Variants in MAPK10 observed in about 807,000 individuals in gnomAD.
MAPK10 encodes JNK3 alpha protein kinase.
In MAPK10, 25 loss-of-function variants were observed where a neutral mutation model predicts 59.3. That is an observed-to-expected ratio of 0.42 (90% CI 0.31 to 0.59). MAPK10 has a LOEUF of 0.59. MAPK10 is among the 20% of genes least tolerant of loss of function. MAPK10 has a pLI of 0.15. For synonymous variants in MAPK10, 190 were observed against 200.5 expected (o/e 0.95, Z 0.44); for missense variants, 351 against 568.9 (o/e 0.62, Z 3.90).
intron 5 of MAPK10, among the ~76,000 whole-genome samples, chr4:86,105,598 C>G (rs2056392880): frequency 6.6e-6 from 1 of 152,062 alleles, no homozygotes. Flanking sequence ...TTGCTTGTAT[C>G]CATCCATTTT....
chr4:86,257,272 TTTAA>T (rs2093782849), intron 2 of MAPK10, among the ~76,000 whole-genome samples: 1 of 152,190 alleles, frequency 6.6e-6, no homozygotes. Context: ...CAAAAGTCCA[TTTAA>T]TTAAGGTACC....
At chr4:86,074,024 A>AG (rs1404415351) in intron 9 of MAPK10, among the ~76,000 whole-genome samples, 2 of 92,928 alleles carry the variant, frequency 2.2e-5, no homozygotes, top group Non-Finnish European at 4.4e-5. Flanking sequence ...AATGTGTGGG[A>AG]GTCTAAGTCT....
intron 1 of MAPK10, chr4:86,384,307 G>GT (rs1741173875): frequency 6.6e-6 from 1 of 152,118 alleles, no homozygotes; most frequent in South Asian, 2.1e-4. Flanking sequence ...AAACAGAAAG[G>GT]TTTGTGTATT....
At chr4:86,566,637 C>T (rs372980655) in intron 1 of MAPK10, among the ~76,000 whole-genome samples, 3 of 151,892 alleles carry the variant, frequency 2.0e-5, no homozygotes, top group Admixed American at 6.6e-5. Flanking sequence ...ATTGCTTGAA[C>T]GCAGGTGACG....
intron 2 of MAPK10, among the ~76,000 whole-genome samples, chr4:86,242,675 C>A (rs925577820): frequency 6.6e-6 from 1 of 152,188 alleles, no homozygotes. Context: ...GTCTTGGGAC[C>A]AAGCCATCCA....
rs141603673 is a variant in MAPK10, at chr4:86,302,987, T to G, written c.-7+51543A>C. 3.9e-3 allele frequency among the ~76,000 whole-genome samples: 587 copies of G among 152,296 alleles called. 7 individuals carry two copies. Among genetic ancestry groups the G allele is most frequent in the Middle Eastern group, 0.014 (4 of 294 alleles). ...AAATGAGCCAAGTAAGGCTGCCTCC[T>G]GTCCACTTTAGACTCAAACATCCCA... On this transcript the variant is annotated intron_variant, in intron 2 of 13. Coordinates refer to ENST00000641462, the MANE Select transcript of MAPK10 (RefSeq NM_138982.4).
At chr4:86,123,703 C>A (rs548866243) in intron 4 of MAPK10, 1 of 152,056 alleles carries the variant, frequency 6.6e-6, no homozygotes, top group Admixed American at 6.6e-5. Context: ...AATAAATTAC[C>A]AGTAAGTTCC....
At chr4:86,378,260 C>T (rs942719947) in intron 1 of MAPK10, among the ~76,000 whole-genome samples, 1 of 152,164 alleles carries the variant, frequency 6.6e-6, no homozygotes, top group Non-Finnish European at 1.5e-5. Context: ...CCTCACTGGC[C>T]TCTTTGTAGT....
intron 2 of MAPK10, among the ~76,000 whole-genome samples, chr4:86,194,898 G>A (rs2080927028): frequency 6.6e-6 from 1 of 151,824 alleles, no homozygotes; most frequent in African/African-American, 2.4e-5. Flanking sequence ...TATTGACCGA[G>A]AAGAAAAGCA....
intron 1 of MAPK10, among the ~76,000 whole-genome samples, chr4:86,588,248 C>A (rs1365904578): frequency 6.6e-6 from 1 of 152,038 alleles, no homozygotes; most frequent in Admixed American, 6.6e-5. Flanking sequence ...GATGAACAAC[C>A]CATATGCCAC....
At chr4:86,131,889 G>A (rs370061585) in intron 4 of MAPK10, among the ~76,000 whole-genome samples, 4 of 152,114 alleles carry the variant, frequency 2.6e-5, no homozygotes, top group South Asian at 2.1e-4. Flanking sequence ...TAAAAGCCAC[G>A]AAATAAATTG....
chr4:86,406,908 A>G (rs573209270), intron 1 of MAPK10, among the ~76,000 whole-genome samples: 1 of 152,308 alleles, frequency 6.6e-6, no homozygotes, highest in South Asian at 2.1e-4. Context: ...TTCATTTAAC[A>G]ACCTCTCCTT....
chr4:86,548,817 T>C (rs1759513189), intron 1 of MAPK10, among the ~76,000 whole-genome samples: 1 of 152,178 alleles, frequency 6.6e-6, no homozygotes, highest in Non-Finnish European at 1.5e-5. Context: ...CTATGAACAA[T>C]AAGACAGCTT....
intron 2 of MAPK10, among the ~76,000 whole-genome samples, chr4:86,303,164 A>G (rs1388094993): frequency 1.3e-5 from 2 of 152,142 alleles, no homozygotes; most frequent in Non-Finnish European, 2.9e-5. Flanking sequence ...CTTAATCCAC[A>G]TGTCTCCTAG....
Position 86,503,096 on chromosome 4 carries a change from A to G in MAPK10, c.-263+90814T>C, listed in dbSNP as rs191420385. Reference sequence around the variant, plus strand: ...AGTTATGAGGTCAACCTAGATGTCTAGCATTTCAAAGCCATGTCATCCAAA... The same window carrying G: ...AGTTATGAGGTCAACCTAGATGTCTGGCATTTCAAAGCCATGTCATCCAAA... On this transcript the variant is annotated intron_variant, in intron 1 of 4. Coordinates refer to the MAPK10 transcript ENST00000502302. Among the ~76,000 whole-genome samples the G allele has an allele frequency of 2.6e-5, 4 of 152,206 alleles. No homozygotes were observed. In the East Asian group the frequency reaches 5.8e-4, roughly 22 times the overall value.
chr4:86,418,913 C>T lies in MAPK10; in HGVS notation c.-122+34117G>A, dbSNP rs142705611. ...GAGACCACTATTCTAAGTGAAGTAA[C>T]TCAGGAATGGAAACCCAAATATCAT... On this transcript the variant is annotated intron_variant, in intron 1 of 13. Coordinates refer to the MAPK10 transcript ENST00000361569. Among the ~76,000 whole-genome samples, 625 of 152,216 alleles carry T rather than the reference C, an allele frequency of 4.1e-3. 6 individuals carry two copies. The highest frequency in any genetic ancestry group is 0.014 in the African/African-American group (597 of 41,544).
At chr4:86,138,477 A>T in intron 4 of MAPK10, among the ~76,000 whole-genome samples, 2 of 134,288 alleles carry the variant, frequency 1.5e-5, no homozygotes, top group African/African-American at 5.4e-5. Flanking sequence ...CTTTGACAAA[A>T]TTCAACAACC....
At chr4:86,192,092 A>G (rs2080044830) in intron 3 of MAPK10, 1 of 152,096 alleles carries the variant, frequency 6.6e-6, no homozygotes, top group Admixed American at 6.6e-5. Flanking sequence ...AATGTCGAAT[A>G]TTGCCCCCCA....
intron 11 of MAPK10, chr4:86,032,689 T>C (rs536401158): frequency 6.6e-6 from 1 of 152,292 alleles, no homozygotes; most frequent in African/African-American, 2.4e-5. Flanking sequence ...GCAGAATCTG[T>C]GGTAGCTTGA....
Sources: gnomAD v4.1 joint callset for allele counts (sites outside exome capture counted in the v4.1 genomes callset) on GRCh38, gnomAD v4.1.1 for gene constraint, MANE v1.5 for transcripts, NCBI Gene and HGNC (gene_info 2026-07-23, HGNC 2026-07-21) for gene names.